The following PARD3 variants were observed in gnomAD, a reference collection of about 807,000 sequenced individuals.
PARD3 encodes the protein partitioning defective 3 homolog.
Under a neutral mutation model 155.4 loss-of-function variants are expected in PARD3, and 75 were observed. The ratio of observed to expected loss-of-function variants is 0.48; its 90% CI spans 0.40 to 0.58. The LOEUF is 0.58. Ranked by LOEUF, PARD3 falls within the 20% of genes least tolerant of loss-of-function variation. The pLI, the probability that PARD3 is intolerant of heterozygous loss-of-function variation, is 0.00. For synonymous variants in PARD3, 576 were observed against 610.5 expected (o/e 0.94, Z 0.83); for missense variants, 1,642 against 1,721.7 (o/e 0.95, Z 0.82).
chr10:34,270,531 A>G (rs1564535918), intron 21 of PARD3, among the ~76,000 whole-genome samples: 1 of 152,198 alleles, frequency 6.6e-6, no homozygotes, highest in Non-Finnish European at 1.5e-5. Flanking sequence ...CTACTTGGAT[A>G]TTACTCATGA....
At chr10:34,682,939 A>G (rs902842820) in intron 2 of PARD3, among the ~76,000 whole-genome samples, 1 of 152,250 alleles carries the variant, frequency 6.6e-6, no homozygotes, top group Admixed American at 6.5e-5. Context: ...GCCTAATTTG[A>G]CAATGGTGGT....
chr10:34,738,020 G>C (rs1312009184), intron 1 of PARD3, among the ~76,000 whole-genome samples: 1 of 152,178 alleles, frequency 6.6e-6, no homozygotes, highest in Non-Finnish European at 1.5e-5. Context: ...AAAAAGCTGA[G>C]ACTCTGGACT....
At chr10:34,151,401 C>G (rs56660925) in intron 22 of PARD3, among the ~76,000 whole-genome samples, 1 of 152,028 alleles carries the variant, frequency 6.6e-6, no homozygotes, top group African/African-American at 2.4e-5. Flanking sequence ...ATGTTTGGCA[C>G]TGCAGAGAAG....
chr10:34,359,138 A>G lies in PARD3; in HGVS notation c.2067+9T>C. ...ATTTTAGATACTAGCACTTTTTTGC[A>G]TTTCTTACCTCATTGCACTTGCTTA... On this transcript the variant is annotated intron_variant, in intron 14 of 24. Transcript: ENST00000374788. 6.3e-7 allele frequency: 1 copy of G among 1,596,216 alleles called. No individual in the cohort carries two copies. The highest frequency in any genetic ancestry group is 8.5e-7 in the Non-Finnish European group (1 of 1,172,754).
At chr10:34,602,007 T>C (rs2089824852) in intron 2 of PARD3, among the ~76,000 whole-genome samples, 1 of 152,188 alleles carries the variant, frequency 6.6e-6, no homozygotes, top group African/African-American at 2.4e-5. Flanking sequence ...AGATTGTTCC[T>C]TTATGTGAAA....
At chr10:34,601,433 C>T (rs1471415401) in intron 2 of PARD3, among the ~76,000 whole-genome samples, 1 of 152,100 alleles carries the variant, frequency 6.6e-6, no homozygotes, top group African/African-American at 2.4e-5. Context: ...AAAGTGAGAA[C>T]CCGTCGTTCA....
intron 3 of PARD3, among the ~76,000 whole-genome samples, chr10:34,499,285 T>C (rs1436854705): frequency 6.6e-6 from 1 of 152,190 alleles, no homozygotes; most frequent in Non-Finnish European, 1.5e-5. Context: ...TATGTGAAGA[T>C]GGATGATAAA....
intron 1 of PARD3, among the ~76,000 whole-genome samples, chr10:34,751,258 TA>T: frequency 6.6e-6 from 1 of 152,272 alleles, no homozygotes; most frequent in Admixed American, 6.5e-5. Context: ...AATTACCTAA[TA>T]AATGGAATTG....
At chr10:34,375,194 T>A (rs957406784) in intron 10 of PARD3, among the ~76,000 whole-genome samples, 192 bp from the exon 11 acceptor site, 1 of 151,922 alleles carries the variant, frequency 6.6e-6, no homozygotes, top group African/African-American at 2.4e-5. Context: ...ATAAAGAAAC[T>A]AAGACCAGAT....
intron 14 of PARD3, among the ~76,000 whole-genome samples, chr10:34,357,203 G>T (rs1838977764): frequency 6.6e-6 from 1 of 152,156 alleles, no homozygotes; most frequent in Admixed American, 6.5e-5. Context: ...GATAAAAGCA[G>T]AACACTGATC....
At chr10:34,791,798 C>T (rs542171142) in intron 1 of PARD3, among the ~76,000 whole-genome samples, 12 of 151,774 alleles carry the variant, frequency 7.9e-5, no homozygotes, top group Middle Eastern at 3.4e-3. Context: ...TGTGATTGCA[C>T]CACTGCACCC....
intron 22 of PARD3, among the ~76,000 whole-genome samples, chr10:34,225,532 G>C (rs975220775): frequency 1.3e-5 from 2 of 152,068 alleles, no homozygotes; most frequent in African/African-American, 4.8e-5. Flanking sequence ...TTCTAGTTGA[G>C]ACAAGGTTTC....
At chr10:34,399,189 AG>A in intron 7 of PARD3, 140 bp downstream of exon 7, 1 of 648,434 alleles carries the variant, frequency 1.5e-6, no homozygotes, top group Non-Finnish European at 2.8e-6. Context: ...ACATATATAT[AG>A]GAATGAAGGA....
chr10:34,372,284 T>C (rs1035138659), intron 12 of PARD3, among the ~76,000 whole-genome samples: 1 of 152,160 alleles, frequency 6.6e-6, no homozygotes, highest in African/African-American at 2.4e-5. Flanking sequence ...TTTTTGCGTC[T>C]ATCTGACCAA....
intron 14 of PARD3, among the ~76,000 whole-genome samples, chr10:34,350,224 G>A (rs560035525): frequency 2.0e-5 from 3 of 152,212 alleles, no homozygotes; most frequent in African/African-American, 4.8e-5. Flanking sequence ...ATAGAAATGT[G>A]TCAGAGGGGG....
intron 7 of PARD3, among the ~76,000 whole-genome samples, chr10:34,390,074 G>C (rs1192297136): frequency 6.6e-6 from 1 of 152,032 alleles, no homozygotes; most frequent in Admixed American, 6.6e-5. Context: ...TCAGACAAAA[G>C]ACTATTGATT....
chr10:34,155,946 T>C (rs1948986077), intron 22 of PARD3, among the ~76,000 whole-genome samples: 1 of 152,118 alleles, frequency 6.6e-6, no homozygotes, highest in African/African-American at 2.4e-5. Context: ...CACAGCTATT[T>C]AGCACAGTCT....
At chr10:34,579,552 C>CTGTGTGTGTGTG (rs1316450167) in intron 2 of PARD3, among the ~76,000 whole-genome samples, 65 of 62,506 alleles carry the variant, frequency 1.0e-3, no homozygotes, top group African/African-American at 3.6e-3. Context: ...CTACCATTTT[C>CTGTGTGTGTGTG]TCTGTGTGTG....
chr10:34,233,840 C>T (rs1019317122), intron 22 of PARD3, among the ~76,000 whole-genome samples: 1 of 152,096 alleles, frequency 6.6e-6, no homozygotes, highest in African/African-American at 2.4e-5. Context: ...CAAGGCTGCC[C>T]ACTGTGCTGG....
Sources: gnomAD v4.1 joint callset for allele counts (sites outside exome capture counted in the v4.1 genomes callset) on GRCh38, gnomAD v4.1.1 for gene constraint, MANE v1.5 for transcripts, NCBI Gene and HGNC (gene_info 2026-07-23, HGNC 2026-07-21) for gene names.